Variants in EPC2 observed in about 807,000 individuals in gnomAD.
The protein encoded by EPC2 is enhancer of polycomb 2.
In EPC2, 14 loss-of-function variants were observed where a neutral mutation model predicts 92.1. The ratio of observed to expected loss-of-function variants is 0.15; its 90% CI spans 0.10 to 0.24. EPC2 has a LOEUF of 0.24. Among genes scored for constraint, EPC2 ranks in the 10% least tolerant of loss-of-function variants. The pLI, the probability that EPC2 is intolerant of heterozygous loss-of-function variation, is 1.00. For synonymous variants in EPC2, 340 were observed against 334.7 expected (o/e 1.02, Z -0.17); for missense variants, 755 against 971.5 (o/e 0.78, Z 2.96).
At chr2:148,728,995 G>A (rs1257575491) in intron 2 of EPC2, among the ~76,000 whole-genome samples, 6 of 120,940 alleles carry the variant, frequency 5.0e-5, no homozygotes, top group African/African-American at 1.6e-4. Context: ...TCGCGCCACT[G>A]TACTCCAGCC....
chr2:148,654,520 G>T (rs1313776633), intron 1 of EPC2, among the ~76,000 whole-genome samples: 5 of 152,088 alleles, frequency 3.3e-5, no homozygotes, highest in Non-Finnish European at 7.4e-5. Context: ...CAGCTGGGTG[G>T]AGTGGCATGT....
rs143193226 is a variant in EPC2, at chr2:148,770,942, A to G, written c.1376+5A>G. On this transcript the variant is annotated splice_donor_5th_base_variant and intron_variant, in intron 9 of 13. Coordinates refer to ENST00000258484, the MANE Select transcript of EPC2 (RefSeq NM_015630.4). ...GCGAATTGGCAGAGGTGGAAGGTGA[A>G]GTATTTGTTTTCACCTGGTTTTTGT... 30 of 1,607,814 alleles carry G rather than the reference A, an allele frequency of 1.9e-5. 1 individual carries two copies. In the East Asian group the frequency reaches 6.0e-4, roughly 32 times the overall value.
At chr2:148,685,828 C>G (rs552176976) in intron 1 of EPC2, among the ~76,000 whole-genome samples, 1 of 152,196 alleles carries the variant, frequency 6.6e-6, no homozygotes, top group Non-Finnish European at 1.5e-5. Flanking sequence ...ATTACGTATG[C>G]ACTAGCACTG....
chr2:148,782,392 C>T (rs1683769993), intron 11 of EPC2, among the ~76,000 whole-genome samples: 1 of 152,062 alleles, frequency 6.6e-6, no homozygotes, highest in African/African-American at 2.4e-5. Flanking sequence ...CAAAAACTAA[C>T]TGGGCATGGT....
At chr2:148,703,411 T>A (rs947660528) in intron 2 of EPC2, among the ~76,000 whole-genome samples, 24 of 151,024 alleles carry the variant, frequency 1.6e-4, no homozygotes, top group African/African-American at 5.4e-4. Flanking sequence ...AAGCCTGTTT[T>A]TAGTTATATT....
intron 3 of EPC2, among the ~76,000 whole-genome samples, chr2:148,753,227 C>G (rs1190932251): frequency 6.6e-6 from 1 of 152,148 alleles, no homozygotes; most frequent in Non-Finnish European, 1.5e-5. Context: ...CCCTGAAATA[C>G]CAGCATTAGA....
intron 2 of EPC2, among the ~76,000 whole-genome samples, chr2:148,734,474 G>A (rs1006564099): frequency 6.6e-6 from 1 of 151,878 alleles, no homozygotes. Flanking sequence ...TATTAAGAAC[G>A]TTAATATTAA....
intron 2 of EPC2, among the ~76,000 whole-genome samples, chr2:148,698,179 T>C (rs1386777995): frequency 1.3e-5 from 2 of 152,200 alleles, no homozygotes; most frequent in East Asian, 3.8e-4. Context: ...TGATTTAGTA[T>C]TAAAAGAATT....
At chr2:148,647,388 A>T (rs1164049297) in intron 1 of EPC2, among the ~76,000 whole-genome samples, 2 of 151,436 alleles carry the variant, frequency 1.3e-5, no homozygotes, top group East Asian at 3.9e-4. Flanking sequence ...GCTCACTGCA[A>T]CCTCCGCCTA....
rs763388041 is a variant in EPC2, at chr2:148,762,757, T to G, written c.903T>G (p.Thr301=). The change falls in exon 6 of 14, where the codon ACT becomes ACG. Residue 301 remains threonine, a synonymous_variant. Coordinates refer to ENST00000258484, the MANE Select transcript of EPC2 (RefSeq NM_015630.4). ...SEKELYATPA[T]LHNGNHHKVQ... is the part of the protein sequence containing the mutation. ...AAGAGTTATATGCCACTCCAGCAAC[T>G]CTTCATAATGGAAATCATCACAAAG... 6.2e-7 allele frequency: 1 copy of G among 1,610,444 alleles called. No homozygotes were observed. The highest frequency in any genetic ancestry group is 8.5e-7 in the Non-Finnish European group (1 of 1,178,716).
chr2:148,729,920 A>C (rs1031333152), intron 2 of EPC2, among the ~76,000 whole-genome samples: 1 of 152,194 alleles, frequency 6.6e-6, no homozygotes, highest in Non-Finnish European at 1.5e-5. Flanking sequence ...TTGTTACTTA[A>C]TATAAAATGT....
chr2:148,741,577 A>T (rs1682880002), intron 2 of EPC2, among the ~76,000 whole-genome samples: 1 of 152,134 alleles, frequency 6.6e-6, no homozygotes, highest in Non-Finnish European at 1.5e-5. Context: ...GTCATGCTGA[A>T]TCTGAGAATG....
At chr2:148,671,290 T>A (rs998479088) in intron 1 of EPC2, among the ~76,000 whole-genome samples, 1 of 136,930 alleles carries the variant, frequency 7.3e-6, no homozygotes, top group Admixed American at 7.0e-5. Flanking sequence ...GATTGTGATT[T>A]TTTTTTTTTT....
intron 2 of EPC2, chr2:148,692,753 C>T (rs1349273552): frequency 1.3e-5 from 2 of 152,086 alleles, no homozygotes; most frequent in Non-Finnish European, 2.9e-5. Context: ...TTGTAAAAAC[C>T]ATTCTAGGAA....
chr2:148,745,877 C>T (rs1474902748), intron 3 of EPC2, among the ~76,000 whole-genome samples: 10 of 152,048 alleles, frequency 6.6e-5, no homozygotes, highest in Admixed American at 5.2e-4. Context: ...GCAAACCTGC[C>T]TCTGTTATTC....
At chr2:148,737,637 C>A (rs1054137157) in intron 2 of EPC2, among the ~76,000 whole-genome samples, 26 of 152,012 alleles carry the variant, frequency 1.7e-4, no homozygotes, top group African/African-American at 6.3e-4. Context: ...CAGTCTGATA[C>A]TATTTGGAAG....
At chr2:148,748,056 C>T (rs973426168) in intron 3 of EPC2, among the ~76,000 whole-genome samples, 1 of 152,064 alleles carries the variant, frequency 6.6e-6, no homozygotes, top group African/African-American at 2.4e-5. Flanking sequence ...AGTGGATTTT[C>T]CCCTTGCTGT....
chr2:148,661,812 C>G (rs987750211), intron 1 of EPC2, among the ~76,000 whole-genome samples: 11 of 151,916 alleles, frequency 7.2e-5, no homozygotes, highest in Admixed American at 7.2e-4. Context: ...TATGATTTTC[C>G]CCTTAGGTGT....
At chr2:148,783,298 A>G (rs1683791304) in intron 11 of EPC2, among the ~76,000 whole-genome samples, 1 of 152,234 alleles carries the variant, frequency 6.6e-6, no homozygotes, top group South Asian at 2.1e-4. Flanking sequence ...TTATCCAAGT[A>G]TGTAGTTTTT....
Sources: allele counts gnomAD v4.1 joint callset (sites outside exome capture counted in the v4.1 genomes callset), GRCh38; gene constraint gnomAD v4.1.1; transcripts MANE v1.5; gene names NCBI Gene and HGNC (gene_info 2026-07-23, HGNC 2026-07-21).